The following AFF3 variants were observed in gnomAD, a reference collection of about 807,000 sequenced individuals.
AFF3 encodes AF4/FMR2 family member 3.
In AFF3, 32 loss-of-function variants were observed where a neutral mutation model predicts 129.7. The ratio of observed to expected loss-of-function variants is 0.25; its 90% confidence interval spans 0.19 to 0.33. The LOEUF (loss-of-function observed/expected upper bound fraction) is 0.33. AFF3 is among the 10% of genes least tolerant of loss of function. AFF3 has a pLI of 1.00. For synonymous variants in AFF3, 644 were observed against 635.4 expected, an observed-to-expected ratio of 1.01 and a Z score of -0.20; for missense variants, 1,373 against 1,592.0, an observed-to-expected ratio of 0.86 and a Z score of 2.34.
chr2:100,072,102 GC>G (rs1688233965), intron 4 of AFF3, among the ~76,000 whole-genome samples: 1 of 152,114 alleles, frequency 6.6e-6, no homozygotes. Context: ...TCCAGCCCAT[GC>G]CCAGACTGTC....
intron 7 of AFF3, among the ~76,000 whole-genome samples, chr2:99,874,505 G>T (rs1042697563): frequency 6.6e-6 from 1 of 152,080 alleles, no homozygotes; most frequent in African/African-American, 2.4e-5. Context: ...GAACTGATTT[G>T]GGGGGTTGTT....
chr2:99,858,727 A>C (rs796114607), intron 7 of AFF3, among the ~76,000 whole-genome samples: 40 of 152,276 alleles, frequency 2.6e-4, no homozygotes, highest in African/African-American at 9.1e-4. Context: ...TAGAGGGGAA[A>C]AACAGTCACT....
intron 11 of AFF3, among the ~76,000 whole-genome samples, chr2:99,716,810 G>A (rs2104913640): frequency 6.6e-6 from 1 of 152,052 alleles, no homozygotes; most frequent in South Asian, 2.1e-4. Context: ...TTGAACCCAG[G>A]AGGCAGAGGC....
chr2:99,952,821 G>A (rs960624690), intron 7 of AFF3, among the ~76,000 whole-genome samples: 1 of 152,188 alleles, frequency 6.6e-6, no homozygotes, highest in Non-Finnish European at 1.5e-5. Flanking sequence ...AGGAATGTGA[G>A]TGTGGAGGGC....
chr2:99,750,585 T>G (rs1190213504), intron 9 of AFF3, among the ~76,000 whole-genome samples: 2 of 152,066 alleles, frequency 1.3e-5, no homozygotes, highest in East Asian at 3.9e-4. Context: ...CTGGCTAATT[T>G]TTTCATATTT....
At chr2:99,719,905 C>T (rs1162293046) in intron 11 of AFF3, among the ~76,000 whole-genome samples, 8 of 152,206 alleles carry the variant, frequency 5.3e-5, no homozygotes, top group East Asian at 1.9e-4. Context: ...GGCATGGTGG[C>T]GGGCGCCTGT....
chr2:100,023,827 A>T (rs1683800494), intron 4 of AFF3, among the ~76,000 whole-genome samples: 1 of 152,236 alleles, frequency 6.6e-6, no homozygotes, highest in Non-Finnish European at 1.5e-5. Flanking sequence ...GCCACCATTC[A>T]GAAAGAAACA....
At chr2:99,916,372 G>A (rs771730200) in intron 7 of AFF3, among the ~76,000 whole-genome samples, 12 of 152,184 alleles carry the variant, frequency 7.9e-5, no homozygotes, top group Middle Eastern at 3.4e-3. Flanking sequence ...ACAAAGTTAC[G>A]CATTTTTTAT....
intron 16 of AFF3, among the ~76,000 whole-genome samples, chr2:99,585,382 C>T (rs560782690): frequency 7.9e-5 from 12 of 152,284 alleles, no homozygotes; most frequent in Admixed American, 2.0e-4. Context: ...CTGTACAGCA[C>T]TGGTAAAACT....
intron 4 of AFF3, among the ~76,000 whole-genome samples, chr2:100,069,022 TG>T (rs1238844239): frequency 6.6e-6 from 1 of 152,158 alleles, no homozygotes; most frequent in African/African-American, 2.4e-5. Flanking sequence ...ACTTGTATCA[TG>T]GGGGTGTGTT....
intron 4 of AFF3, among the ~76,000 whole-genome samples, chr2:100,075,704 T>C (rs1688531416): frequency 6.6e-6 from 1 of 152,224 alleles, no homozygotes; most frequent in Non-Finnish European, 1.5e-5. Flanking sequence ...TTCCAGCTTT[T>C]ACTTTTTCTG....
intron 8 of AFF3, among the ~76,000 whole-genome samples, chr2:99,827,489 G>A (rs1301664411): frequency 6.6e-6 from 1 of 152,044 alleles, no homozygotes; most frequent in African/African-American, 2.4e-5. Flanking sequence ...CAAGCCTGGG[G>A]TGGTAACCTC....
chr2:99,834,581 A>T (rs1196922769), intron 8 of AFF3, among the ~76,000 whole-genome samples: 2 of 151,706 alleles, frequency 1.3e-5, no homozygotes, highest in Non-Finnish European at 2.9e-5. Flanking sequence ...TGCCCCCTCT[A>T]CTCCACCAAA....
intron 11 of AFF3, among the ~76,000 whole-genome samples, chr2:99,679,940 A>G (rs1460816536): frequency 6.6e-6 from 1 of 152,218 alleles, no homozygotes; most frequent in East Asian, 1.9e-4. Flanking sequence ...AGCACATTCT[A>G]GGTGCTAGAG....
chr2:99,783,577 C>T (rs992722416), intron 8 of AFF3, among the ~76,000 whole-genome samples: 8 of 152,230 alleles, frequency 5.3e-5, no homozygotes, highest in African/African-American at 1.9e-4. Flanking sequence ...CTAAGCCATG[C>T]TGGCCACTGA....
At chr2:100,050,904 A>T (rs891442854) in intron 4 of AFF3, among the ~76,000 whole-genome samples, 2 of 152,190 alleles carry the variant, frequency 1.3e-5, no homozygotes, top group African/African-American at 4.8e-5. Context: ...CAACAAGGGA[A>T]CAGTCCCGCG....
chr2:99,879,195 GA>G (rs1214951622), intron 7 of AFF3, among the ~76,000 whole-genome samples: 1 of 152,114 alleles, frequency 6.6e-6, no homozygotes, highest in East Asian at 1.9e-4. Context: ...TTATGCTTTT[GA>G]AAAAAGTCAG....
chr2:99,921,575 G>A (rs186997965), intron 7 of AFF3, among the ~76,000 whole-genome samples: 2 of 152,230 alleles, frequency 1.3e-5, no homozygotes, highest in East Asian at 1.9e-4. Flanking sequence ...GGAAGTGTAC[G>A]TAGGCACTCA....
At chr2:99,778,900 G>A (rs1201139464) in intron 8 of AFF3, among the ~76,000 whole-genome samples, 136 of 3,938 alleles carry the variant, frequency 0.035, no homozygotes, top group African/African-American at 0.14. Flanking sequence ...GTGTGCGCGT[G>A]TGTGTGTGTG....
Sources: gnomAD v4.1 joint callset for allele counts (sites outside exome capture counted in the v4.1 genomes callset) on GRCh38, gnomAD v4.1.1 for gene constraint, MANE v1.5 for transcripts, NCBI Gene and HGNC (gene_info 2026-07-23, HGNC 2026-07-21) for gene names.